The following RIMS2 variants were observed in gnomAD, a reference collection of about 807,000 sequenced individuals.
The protein encoded by RIMS2 is regulating synaptic membrane exocytosis protein 2.
Under a neutral mutation model 174.4 loss-of-function variants are expected in RIMS2, and 59 were observed. The observed-to-expected ratio is 0.34, with a 90% confidence interval of 0.27 to 0.42. The LOEUF (loss-of-function observed/expected upper bound fraction) is 0.42, where lower values mean the gene tolerates loss of function less well. Ranked by LOEUF, RIMS2 falls within the 10% of genes least tolerant of loss-of-function variation. The pLI, the probability that RIMS2 is intolerant of heterozygous loss-of-function variation, is 1.00. For synonymous variants in RIMS2, 606 were observed against 572.5 expected, an observed-to-expected ratio of 1.06 and a Z score of -0.84; for missense variants, 1,620 against 1,666.3, an observed-to-expected ratio of 0.97 and a Z score of 0.48.
chr8:104,087,683 A>G (rs1285481008), intron 19 of RIMS2, among the ~76,000 whole-genome samples: 1 of 152,144 alleles, frequency 6.6e-6, no homozygotes, highest in East Asian at 1.9e-4. Context: ...TAATCCACAC[A>G]TATTATTTAC....
At chr8:103,746,501 T>C (rs893517282) in intron 2 of RIMS2, among the ~76,000 whole-genome samples, 2 of 152,122 alleles carry the variant, frequency 1.3e-5, no homozygotes, top group Admixed American at 1.3e-4. Flanking sequence ...GTTTGTTACA[T>C]AGGTAAATTT....
intron 19 of RIMS2, among the ~76,000 whole-genome samples, chr8:104,044,354 AAGG>A (rs2096658332): frequency 2.0e-5 from 3 of 151,570 alleles, no homozygotes; most frequent in African/African-American, 7.2e-5. Context: ...GTAGCAAAAC[AAGG>A]AGAATAATAA....
intron 1 of RIMS2, among the ~76,000 whole-genome samples, chr8:103,614,177 C>T (rs1054314691): frequency 3.3e-5 from 5 of 152,262 alleles, no homozygotes; most frequent in African/African-American, 1.2e-4. Context: ...GTACTTCTGC[C>T]TGTGGTAAGT....
At chr8:103,596,869 A>T (rs1002879381) in intron 1 of RIMS2, among the ~76,000 whole-genome samples, 3 of 152,106 alleles carry the variant, frequency 2.0e-5, no homozygotes, top group Non-Finnish European at 4.4e-5. Context: ...ATTTTGTAAT[A>T]ATTGCATCAC....
intron 19 of RIMS2, among the ~76,000 whole-genome samples, chr8:104,016,065 T>C (rs2095895008): frequency 6.6e-6 from 1 of 152,012 alleles, no homozygotes; most frequent in Non-Finnish European, 1.5e-5. Context: ...ATATATGGAG[T>C]GTCATACATT....
At chr8:104,074,381 G>A (rs1009330080) in intron 19 of RIMS2, among the ~76,000 whole-genome samples, 2 of 152,076 alleles carry the variant, frequency 1.3e-5, no homozygotes, top group Non-Finnish European at 1.5e-5. Context: ...AGGATTAAAC[G>A]AGATGATGTA....
intron 19 of RIMS2, among the ~76,000 whole-genome samples, chr8:104,043,213 G>A (rs1026133801): frequency 6.6e-6 from 1 of 151,382 alleles, no homozygotes; most frequent in African/African-American, 2.4e-5. Flanking sequence ...AAAAAATGAA[G>A]GTAGTTAATA....
At chr8:103,707,534 C>T (rs1282543465) in intron 2 of RIMS2, among the ~76,000 whole-genome samples, 2 of 152,142 alleles carry the variant, frequency 1.3e-5, no homozygotes, top group African/African-American at 4.8e-5. Flanking sequence ...GCGATCCAGC[C>T]CTGGTGGACT....
intron 1 of RIMS2, among the ~76,000 whole-genome samples, chr8:103,578,767 C>A (rs2093419344): frequency 6.6e-6 from 1 of 151,898 alleles, no homozygotes; most frequent in Non-Finnish European, 1.5e-5. Context: ...TTTGGGAGGC[C>A]AAGGCAGGCT....
intron 1 of RIMS2, among the ~76,000 whole-genome samples, chr8:103,552,515 A>G (rs1231312913): frequency 6.6e-6 from 1 of 152,204 alleles, no homozygotes; most frequent in Non-Finnish European, 1.5e-5. Context: ...AACCTAGGCA[A>G]TAGCATTCAG....
chr8:103,817,308 G>A (rs1308797439), intron 3 of RIMS2, among the ~76,000 whole-genome samples: 2 of 152,112 alleles, frequency 1.3e-5, no homozygotes, highest in Non-Finnish European at 2.9e-5. Flanking sequence ...ATTGAAATTG[G>A]CCATTTTACA....
intron 2 of RIMS2, among the ~76,000 whole-genome samples, chr8:103,738,736 C>T (rs1425230973): frequency 1.3e-5 from 2 of 152,168 alleles, no homozygotes; most frequent in African/African-American, 4.8e-5. Context: ...ACAGACACTT[C>T]TCAAAAGAAG....
chr8:104,131,496 T>G (rs574906746), intron 19 of RIMS2, among the ~76,000 whole-genome samples: 2 of 152,288 alleles, frequency 1.3e-5, no homozygotes, highest in Admixed American at 1.3e-4. Flanking sequence ...ATGTTATATT[T>G]GATGATACAT....
intron 19 of RIMS2, among the ~76,000 whole-genome samples, chr8:104,034,037 A>ATTGTCAAAGATTCC (rs1173467404): frequency 3.3e-5 from 5 of 152,186 alleles, no homozygotes; most frequent in African/African-American, 9.7e-5. Flanking sequence ...ACTTCAATAA[A>ATTGTCAAAGATTCC]TTGTCAAAGA....
At chr8:103,587,957 T>C (rs1410675325) in intron 1 of RIMS2, among the ~76,000 whole-genome samples, 4 of 151,868 alleles carry the variant, frequency 2.6e-5, no homozygotes, top group African/African-American at 9.7e-5. Flanking sequence ...GGAAAGCAGA[T>C]GTCAAATTAT....
intron 3 of RIMS2, among the ~76,000 whole-genome samples, chr8:103,821,035 C>G (rs1554851676): frequency 6.7e-6 from 1 of 148,336 alleles, no homozygotes; most frequent in Non-Finnish European, 1.5e-5. Context: ...TTAGTTCCAT[C>G]TTTTTTTTTA....
At chr8:103,699,562 G>A (rs1389720643) in intron 2 of RIMS2, among the ~76,000 whole-genome samples, 1 of 151,882 alleles carries the variant, frequency 6.6e-6, no homozygotes, top group East Asian at 1.9e-4. Context: ...TTTCTTTGTT[G>A]TTGATTTCTG....
chr8:104,208,076 G>T (rs2099088780), intron 19 of RIMS2, among the ~76,000 whole-genome samples: 1 of 151,928 alleles, frequency 6.6e-6, no homozygotes. Context: ...GCTAGCAAGT[G>T]TAAGTTTTAA....
chr8:103,825,212 A>G (rs1481908671), intron 3 of RIMS2, among the ~76,000 whole-genome samples: 1 of 152,156 alleles, frequency 6.6e-6, no homozygotes, highest in African/African-American at 2.4e-5. Context: ...AAAACTTCAC[A>G]TAATGAAATT....
Sources: allele counts gnomAD v4.1 joint callset (sites outside exome capture counted in the v4.1 genomes callset), GRCh38; gene constraint gnomAD v4.1.1; transcripts MANE v1.5; gene names NCBI Gene and HGNC (gene_info 2026-07-23, HGNC 2026-07-21).